The following PLEC variants were observed in gnomAD, a reference collection of about 807,000 sequenced individuals.
PLEC encodes the protein hemidesmosomal protein 1.
PLEC carries 216 observed loss-of-function variants against 392.8 expected under a neutral mutation model. The observed-to-expected ratio is 0.55, with a 90% CI of 0.49 to 0.62. The LOEUF is 0.62. Among genes scored for constraint, PLEC ranks in the 20% least tolerant of loss-of-function variants. The pLI is 0.00. For missense variants in PLEC, 6,863 were observed against 6,563.4 expected (o/e 1.05, Z -1.58); for synonymous variants, 3,621 against 2,980.6 (o/e 1.21, Z -7.00).
chr8:143,936,612 G>C (rs538968739), intron 5 of PLEC, among the ~76,000 whole-genome samples: 3 of 152,346 alleles, frequency 2.0e-5, no homozygotes, highest in Admixed American at 6.5e-5. Context: ...TGCCTGCTCA[G>C]CTCTCAGATT....
chr8:143,940,496 C>T (rs1350888561), upstream of PLEC, among the ~76,000 whole-genome samples: 1 of 152,202 alleles, frequency 6.6e-6, no homozygotes, highest in East Asian at 1.9e-4. Context: ...GAAGCAGTCT[C>T]ATGCTGTAAA....
In PLEC at chr8:143,917,786, G is replaced by A. The variant is rs1554673118; in HGVS notation, c.12035C>T (p.Thr4012Ile). ...CCCAGAGTAGGGGTCCTTGTACCCA[G>A]TGACGGCGCGCTCGGCCGACAGCAG... ...DKLLSAERAV[T>I]GYKDPYSGKL... The change falls in exon 32 of 32, where the codon ACT (threonine) becomes ATT (isoleucine). Residue 4012 changes from threonine to isoleucine, a missense_variant. Transcript: ENST00000345136. 6.2e-7 allele frequency: 1 copy of A among 1,613,576 alleles called. No individual in the cohort carries two copies. Among genetic ancestry groups the A allele is most frequent in the South Asian group, 1.1e-5 (1 of 91,080 alleles).
rs781892248 is a variant in PLEC, at chr8:143,924,962, C to G, written c.4967G>C (p.Ser1656Thr). 1 of 1,580,278 alleles carries G rather than the reference C, an allele frequency of 6.3e-7. No homozygotes were observed. Among genetic ancestry groups the G allele is most frequent in the Non-Finnish European group, 8.5e-7 (1 of 1,171,478 alleles). ...LQAEEVAQQKSLAQAEAEKQK... is the reference protein window; with the variant it reads ...LQAEEVAQQKTLAQAEAEKQK... The stretch of plus-strand genomic sequence containing the variant: ...CTTCTCAGCCTCGGCCTGCGCCAGG[C>G]TCTTCTGCTGCGCCACCTCCTCCGC... The change falls in exon 31 of 32, where the codon AGC (serine) becomes ACC (threonine). Residue 1656 changes from serine (S) to threonine (T), a missense_variant. Physicochemically the swap from Ser to Thr is moderately conservative, Grantham distance 58. Transcript: ENST00000345136.
At position 143,921,395 on chromosome 8, in the gene PLEC, T is replaced by G; in HGVS notation, c.8426A>C (p.Gln2809Pro). The change falls in exon 32 of 32, where the codon CAG becomes CCG. Residue 2809 changes from glutamine to proline, a missense_variant. Physicochemically the swap from Gln to Pro is moderately conservative, Grantham distance 76. Coordinates refer to ENST00000345136, the MANE Select transcript of PLEC (RefSeq NM_201384.3). ...GTCGATAACGCCGCCCGTGGCGATC[T>G]GGGCCTCCAGCAGGCGGATGCCGTG... ...REHGIRLLEA[Q>P]IATGGVIDPV... The G allele has an allele frequency of 6.2e-7, 1 of 1,613,418 alleles. No homozygotes were observed. The highest frequency in any genetic ancestry group is 8.5e-7 in the Non-Finnish European group (1 of 1,179,808).
upstream of PLEC, among the ~76,000 whole-genome samples, chr8:143,952,481 C>A (rs1411730127): frequency 6.6e-6 from 1 of 152,044 alleles, no homozygotes; most frequent in Admixed American, 6.5e-5. Flanking sequence ...GCTTTGGGAA[C>A]AACACCAGCT....
At chr8:143,956,436 C>G (rs1382526602), upstream of PLEC, among the ~76,000 whole-genome samples, 2 of 152,182 alleles carry the variant, frequency 1.3e-5, no homozygotes, top group African/African-American at 4.8e-5. Flanking sequence ...GACACGGTGG[C>G]CTGGGCCTGT....
At chr8:143,955,734 G>A (rs1554739043), upstream of PLEC, among the ~76,000 whole-genome samples, 4 of 151,194 alleles carry the variant, frequency 2.6e-5, no homozygotes. Flanking sequence ...TGAGTAGTTG[G>A]GACTACAGGC....
chr8:143,938,392 G>A (rs2132261327), intron 2 of PLEC, 152 bp from the exon 3 acceptor site: 1 of 1,535,560 alleles, frequency 6.5e-7, no homozygotes, highest in South Asian at 1.2e-5. Context: ...GCCCCACGGA[G>A]GCACCTACCT....
chr8:143,929,175 A>G lies in PLEC; in HGVS notation c.3188T>C (p.Leu1063Pro). 6.3e-7 allele frequency: 1 copy of G among 1,597,228 alleles called. No individual in the cohort carries two copies. Among genetic ancestry groups the G allele is most frequent in the Non-Finnish European group, 8.5e-7 (1 of 1,174,114 alleles). ...LPEPSPAAPT[L>P]RSELELTLGK... ...CAGCGTCAGCTCCAGCTCCGAGCGC[A>G]GCGTGGGGGCCGCAGGCGATGGCTC... The change falls in exon 25 of 32, where the codon CTG (leucine) becomes CCG (proline). Residue 1063 changes from leucine to proline, a missense_variant. By Grantham distance (98) the Leu-to-Pro change is moderately conservative (BLOSUM62 -3). Coordinates refer to ENST00000345136, the MANE Select transcript of PLEC (RefSeq NM_201384.3).
chr8:143,939,710 G>T, upstream of PLEC: 1 of 1,289,670 alleles, frequency 7.8e-7, no homozygotes, highest in Non-Finnish European at 1.0e-6. Context: ...GCGGGAAGGA[G>T]CAAGCAGCCC....
chr8:143,962,479 G>A (rs1255637523), intron 1 of PLEC, among the ~76,000 whole-genome samples: 1 of 152,222 alleles, frequency 6.6e-6, no homozygotes, highest in Non-Finnish European at 1.5e-5. Context: ...TACAGACAGC[G>A]AGCAGGAGCA....
rs782192788 is a variant in PLEC at position 143,929,585 on chromosome 8, G to A, written c.2924-14C>T. ...CTTCCTGTGCACCTGGGGAACACAT[G>A]TGGGTCACTCCACCGCCCACCTCGC... On this transcript the variant is annotated splice_polypyrimidine_tract_variant and intron_variant, in intron 23 of 31. Transcript: ENST00000345136. The A allele has an allele frequency of 1.2e-6, 2 of 1,612,028 alleles. No individual in the cohort carries two copies. Among genetic ancestry groups the A allele is most frequent in the Non-Finnish European group, 1.7e-6 (2 of 1,179,894 alleles).
Position 143,925,858 on chromosome 8 carries a change from C to T in PLEC, c.4071G>A (p.Glu1357=). 1.9e-6 allele frequency: 3 copies of T among 1,548,458 alleles called. No homozygotes were observed. Among genetic ancestry groups the T allele is most frequent in the African/African-American group, 1.4e-5 (1 of 73,824 alleles). Residue 1357 remains glutamate (E), a synonymous_variant, in exon 31 of 32, where the codon GAG becomes GAA. Transcript: ENST00000345136. ...CCACCTCGGCCAGCCGCTCGCGCTCCTCTGCCCGCTGCTGCTCAGCCAGCC... is the reference window on the plus strand; with the variant it reads ...CCACCTCGGCCAGCCGCTCGCGCTCTTCTGCCCGCTGCTGCTCAGCCAGCC... ...EERLAEQQRA[E]ERERLAEVEA... is the part of the protein sequence containing the mutation.
chr8:143,951,470 C>T (rs1371416267), upstream of PLEC, among the ~76,000 whole-genome samples: 3 of 152,078 alleles, frequency 2.0e-5, no homozygotes, highest in South Asian at 2.1e-4. Flanking sequence ...GGCGGGCAAA[C>T]GGACAGAGCC....
chr8:143,925,092 G>A lies in PLEC; in HGVS notation c.4837C>T (p.Arg1613Trp), dbSNP rs782731049. ...VAQLREEAER[R>W]AQQQAEAERA... ...TCGGCCTCGGCCTGCTGCTGTGCCC[G>A]CCGCTCAGCCTCCTCCCGCAGCTGT... Residue 1613 changes from arginine to tryptophan, a missense_variant, in exon 31 of 32, where the codon CGG (arginine) becomes TGG (tryptophan). Physicochemically the swap from Arg to Trp is moderately radical, Grantham distance 101. Coordinates refer to ENST00000345136, the MANE Select transcript of PLEC (RefSeq NM_201384.3). The A allele has an allele frequency of 1.4e-5, 21 of 1,546,952 alleles. No individual in the cohort carries two copies. The highest frequency in any genetic ancestry group is 1.7e-5 in the Non-Finnish European group (20 of 1,153,894).
upstream of PLEC, chr8:143,943,995 CGG>C (rs1831012360): frequency 6.6e-7 from 1 of 1,521,682 alleles, no homozygotes; most frequent in Non-Finnish European, 8.8e-7. Context: ...GGGGGAGCGC[CGG>C]GACCGGAGCC....
intron 1 of PLEC, among the ~76,000 whole-genome samples, chr8:143,962,633 G>A (rs890162842): frequency 6.6e-6 from 1 of 152,242 alleles, no homozygotes; most frequent in Non-Finnish European, 1.5e-5. Flanking sequence ...GGTATTAAAG[G>A]TGCTTGTGGT....
Position 143,920,394 on chromosome 8 carries a change from T to C in PLEC, c.9427A>G (p.Ile3143Val). 1 of 1,592,064 alleles carries C rather than the reference T, an allele frequency of 6.3e-7. No individual in the cohort carries two copies. The highest frequency in any genetic ancestry group is 8.5e-7 in the Non-Finnish European group (1 of 1,172,258). Reference protein sequence around the residue: ...LLDAQLSTGGIVDPSKSHRVP... With the variant: ...LLDAQLSTGGVVDPSKSHRVP... ...CGGTGGCTCTTGCTGGGGTCCACGA[T>C]GCCGCCCGTGGACAGCTGGGCGTCC... The change falls in exon 32 of 32, where the codon ATC (isoleucine) becomes GTC (valine). Residue 3143 changes from isoleucine (I) to valine (V), a missense_variant. Transcript: ENST00000345136.
At chr8:143,951,798 C>G (rs1374243322), upstream of PLEC, among the ~76,000 whole-genome samples, 2 of 152,128 alleles carry the variant, frequency 1.3e-5, no homozygotes, top group Non-Finnish European at 2.9e-5. Flanking sequence ...GGCCAGGGCC[C>G]AAGGGAAGGG....
Sources: gnomAD v4.1 joint callset for allele counts (sites outside exome capture counted in the v4.1 genomes callset) on GRCh38, gnomAD v4.1.1 for gene constraint, MANE v1.5 for transcripts, NCBI Gene and HGNC (gene_info 2026-07-23, HGNC 2026-07-21) for gene names.